The following MB21D2 variants were observed in gnomAD, a reference collection of about 807,000 sequenced individuals.
MB21D2 encodes the protein nucleotidyltransferase MB21D2.
A neutral mutation model predicts 33.3 loss-of-function variants in MB21D2; 9 were observed. The ratio of observed to expected loss-of-function variants is 0.27; its 90% confidence interval spans 0.16 to 0.47. MB21D2 has a LOEUF of 0.47. MB21D2 is among the 20% of genes least tolerant of loss of function. The pLI is 0.99. For synonymous variants in MB21D2, 241 were observed against 236.3 expected (o/e 1.02, Z -0.18); for missense variants, 540 against 624.6 (o/e 0.86, Z 1.44).
In MB21D2 at chr3:192,798,128, TAAAAAG is replaced by T; in HGVS notation, c.*252_*257del. The T allele has an allele frequency of 2.5e-6, 1 of 397,902 alleles. No homozygotes were observed. Among genetic ancestry groups the T allele is most frequent in the Non-Finnish European group, 4.5e-6 (1 of 223,522 alleles). The allele number at this position is 397,902 out of a possible 1,614,324, so 24.6% of individuals were successfully genotyped here. On this transcript the variant is annotated 3_prime_UTR_variant, in exon 2 of 2. Coordinates refer to ENST00000392452, the MANE Select transcript of MB21D2 (RefSeq NM_178496.4). The surrounding 1 kb of genome is among the most constrained non-coding windows in gnomAD (Gnocchi z 4.8). ...TTTCATCTATGGCTTAAGATCTCCT[TAAAAAG>T]AAAAAAAACTCCAACAAACTAAAGA...
intron 1 of MB21D2, among the ~76,000 whole-genome samples, chr3:192,851,251 C>A (rs1046953505): frequency 3.3e-5 from 5 of 152,208 alleles, no homozygotes; most frequent in Non-Finnish European, 7.4e-5. Context: ...AAGCCAGACA[C>A]AAAAGGCCAC....
chr3:192,850,608 G>A (rs189189683), intron 1 of MB21D2, among the ~76,000 whole-genome samples: 2 of 152,192 alleles, frequency 1.3e-5, no homozygotes, highest in East Asian at 1.9e-4. Context: ...ACACATACAC[G>A]TCTGAAAACC....
intron 1 of MB21D2, among the ~76,000 whole-genome samples, chr3:192,888,557 A>G (rs1331651620): frequency 2.6e-5 from 4 of 152,114 alleles, no homozygotes; most frequent in East Asian, 1.9e-4. Flanking sequence ...TGACTTAACC[A>G]AAGTCTTCCG....
intron 1 of MB21D2, among the ~76,000 whole-genome samples, chr3:192,887,868 G>A (rs1713766632): frequency 6.6e-6 from 1 of 152,006 alleles, no homozygotes; most frequent in African/African-American, 2.4e-5. Context: ...TTGTGGAGAT[G>A]CAGTTTCTCT....
chr3:192,822,357 CAGG>C (rs1450348876), intron 1 of MB21D2, among the ~76,000 whole-genome samples: 9 of 152,192 alleles, frequency 5.9e-5, no homozygotes, highest in African/African-American at 2.2e-4. Context: ...GAAAAGGTGA[CAGG>C]AGTTCACCTC....
intron 1 of MB21D2, among the ~76,000 whole-genome samples, chr3:192,837,460 G>A (rs2108623770): frequency 6.6e-6 from 1 of 152,268 alleles, no homozygotes; most frequent in South Asian, 2.1e-4. Context: ...CGCAGCTCAA[G>A]GGGAGAACGA....
At position 192,798,832 on chromosome 3, in the gene MB21D2, GA is replaced by G; in HGVS notation, c.1029del (p.Pro344LeufsTer81). The G allele has an allele frequency of 1.9e-6, 3 of 1,612,092 alleles. No homozygotes were observed. The highest frequency in any genetic ancestry group is 2.5e-6 in the Non-Finnish European group (3 of 1,179,468). ...TCTTCTTGAGCCAAGTAGTTGGCAG[GA>G]AGTCTGTCGCAGGCCCAGAGCATCA... ...RSMMLWACDR[L>X]PANYLAQEDY... On this transcript the variant is annotated frameshift_variant, in exon 2 of 2. Transcript: ENST00000392452. LOFTEE classifies it high-confidence loss of function. The surrounding 1 kb of genome is among the most constrained non-coding windows in gnomAD (Gnocchi z 4.8).
rs1264177625 is a variant in MB21D2 at position 192,798,572 on chromosome 3, C to A, written c.1290G>T (p.Arg430Ser). ...AGGGGATGCTGGTGGTGCTACCTCG[C>A]CTCTGGAGCTCCAGTGTCAGCCGGT... ...AANRLTLELQ[R>S]RGSTTSIPSP... The change falls in exon 2 of 2, where the codon AGG becomes AGT. Residue 430 changes from arginine to serine, a missense_variant. Transcript: ENST00000392452. The surrounding 1 kb of genome is among the most constrained non-coding windows in gnomAD (Gnocchi z 4.8). 1 of 1,614,056 alleles carries A rather than the reference C, an allele frequency of 6.2e-7. No homozygotes were observed. The highest frequency in any genetic ancestry group is 1.3e-5 in the African/African-American group (1 of 74,922).
At chr3:192,812,241 T>C (rs1711805002) in intron 1 of MB21D2, among the ~76,000 whole-genome samples, 1 of 151,946 alleles carries the variant, frequency 6.6e-6, no homozygotes, top group Non-Finnish European at 1.5e-5. Context: ...AGAGACAGGG[T>C]TTCACCATGT....
At chr3:192,897,688 G>A (rs1262743573) in intron 1 of MB21D2, among the ~76,000 whole-genome samples, 4 of 152,202 alleles carry the variant, frequency 2.6e-5, no homozygotes, top group Non-Finnish European at 4.4e-5. Context: ...CAAATCTGAC[G>A]TATGTAAAAT....
At chr3:192,896,845 C>G (rs1713984958) in intron 1 of MB21D2, among the ~76,000 whole-genome samples, 1 of 152,186 alleles carries the variant, frequency 6.6e-6, no homozygotes, top group Non-Finnish European at 1.5e-5. Flanking sequence ...ACTGCAGGAG[C>G]TTGCTTATGG....
In MB21D2 at chr3:192,882,836, G is replaced by A. The variant is rs1227972972; in HGVS notation, c.211+34794C>T. ...TGCAACCTTCACCTCCTAGGTTCAA[G>A]TGACTCTCCTGCCTCAGCCTCCCGA... On this transcript the variant is annotated intron_variant, in intron 1 of 1. Transcript: ENST00000392452. Among the ~76,000 whole-genome samples, 19 of 151,804 alleles carry A rather than the reference G, an allele frequency of 1.3e-4. 1 individual carries two copies. Among genetic ancestry groups the A allele is most frequent in the African/African-American group, 4.6e-4 (19 of 41,206 alleles).
intron 1 of MB21D2, among the ~76,000 whole-genome samples, chr3:192,857,333 A>G (rs1200403239): frequency 6.6e-6 from 1 of 152,238 alleles, no homozygotes; most frequent in Admixed American, 6.5e-5. Context: ...AAACAATTAA[A>G]TGAACCTGCC....
At position 192,798,655 on chromosome 3, in the gene MB21D2, C is replaced by G; in HGVS notation, c.1207G>C (p.Val403Leu). 1 of 1,613,664 alleles carries G rather than the reference C, an allele frequency of 6.2e-7. No homozygotes were observed. The highest frequency in any genetic ancestry group is 8.5e-7 in the Non-Finnish European group (1 of 1,180,036). The change falls in exon 2 of 2, where the codon GTG becomes CTG. Residue 403 changes from valine to leucine, a missense_variant. Coordinates refer to ENST00000392452, the MANE Select transcript of MB21D2 (RefSeq NM_178496.4). The surrounding 1 kb of genome is among the most constrained non-coding windows in gnomAD (Gnocchi z 4.8). ...AAGTGCTCTGCCGGGTCTGAGCGCA[C>G]AGAGGACAGCTTCCGGGCGTGAAGC... ...VMLHARKLSS[V>L]RSDPAEHLRT...
Position 192,832,621 on chromosome 3 carries a change from C to T in MB21D2, c.212-32971G>A, listed in dbSNP as rs190737475. On this transcript the variant is annotated intron_variant, in intron 1 of 1. Transcript: ENST00000392452. The stretch of plus-strand genomic sequence containing the variant: ...CCTGGCCAACATGGTGAAACCCCAT[C>T]GCTACTAAAAATACAAAAATTAGCT... Among the ~76,000 whole-genome samples, 287 of 152,254 alleles carry T rather than the reference C, an allele frequency of 1.9e-3. 1 individual carries two copies. The highest frequency in any genetic ancestry group is 0.015 in the South Asian group (74 of 4,822).
At chr3:192,855,643 A>C (rs1312442844) in intron 1 of MB21D2, among the ~76,000 whole-genome samples, 1 of 152,230 alleles carries the variant, frequency 6.6e-6, no homozygotes, top group Non-Finnish European at 1.5e-5. Flanking sequence ...CAAAACACAG[A>C]AGTGCCAGGA....
chr3:192,874,512 A>G (rs1463883), intron 1 of MB21D2, among the ~76,000 whole-genome samples: 93,058 of 152,086 alleles, frequency 0.61, 30,366 homozygotes, highest in African/African-American at 0.84. Context: ...TCCCAATTCC[A>G]GCCCTATCCC....
chr3:192,878,705 T>C (rs1370637637), intron 1 of MB21D2, among the ~76,000 whole-genome samples: 1 of 152,224 alleles, frequency 6.6e-6, no homozygotes, highest in Non-Finnish European at 1.5e-5. Flanking sequence ...GGCTCATGGC[T>C]ATAATCCCAG....
intron 1 of MB21D2, among the ~76,000 whole-genome samples, chr3:192,889,195 C>A (rs1421379866): frequency 2.0e-5 from 3 of 152,098 alleles, no homozygotes; most frequent in Non-Finnish European, 2.9e-5. Context: ...AGAAACCCTT[C>A]TGACAAAAGG....
Sources: gnomAD v4.1 joint callset for allele counts (sites outside exome capture counted in the v4.1 genomes callset) on GRCh38, gnomAD v4.1.1 for gene constraint, Gnocchi (gnomAD v3.1) non-coding constraint, MANE v1.5 for transcripts, NCBI Gene and HGNC (gene_info 2026-07-23, HGNC 2026-07-21) for gene names.